Variants in ANO3 observed in about 807,000 individuals in gnomAD.
The protein encoded by ANO3 is anoctamin 3, also known as anoctamin-3.
ANO3 carries 99 observed loss-of-function variants against 144.8 expected under a neutral mutation model. That is an observed-to-expected ratio of 0.68 (90% CI 0.58 to 0.81). ANO3 has a LOEUF of 0.81. Ranked by LOEUF, ANO3 falls within the 30% of genes least tolerant of loss-of-function variation. The pLI, the probability that ANO3 is intolerant of heterozygous loss-of-function variation, is 0.00. For synonymous variants in ANO3, 414 were observed against 392.6 expected (o/e 1.05, Z -0.64); for missense variants, 905 against 1,202.2 (o/e 0.75, Z 3.66).
intron 1 of ANO3, among the ~76,000 whole-genome samples, chr11:26,299,058 G>A (rs530977009): frequency 6.6e-6 from 1 of 152,308 alleles, no homozygotes; most frequent in African/African-American, 2.4e-5. Context: ...TACAGAAGAT[G>A]TATAAAACCA....
intron 1 of ANO3, among the ~76,000 whole-genome samples, chr11:26,256,515 C>A (rs1268783839): frequency 1.3e-5 from 2 of 152,006 alleles, no homozygotes; most frequent in Admixed American, 6.6e-5. Flanking sequence ...TTCCCACTTA[C>A]TAACTATATA....
chr11:26,346,710 C>A (rs1263767420), intron 1 of ANO3, among the ~76,000 whole-genome samples: 1 of 152,150 alleles, frequency 6.6e-6, no homozygotes, highest in Non-Finnish European at 1.5e-5. Context: ...CCAGGTACTG[C>A]ACTAAATGGA....
chr11:26,632,060 C>T (rs976317600), intron 18 of ANO3, among the ~76,000 whole-genome samples: 16 of 151,754 alleles, frequency 1.1e-4, no homozygotes, highest in East Asian at 1.9e-4. Flanking sequence ...AGCATGGTGT[C>T]GGGCGCCTGT....
At chr11:26,401,574 G>A (rs1184445561) in intron 1 of ANO3, among the ~76,000 whole-genome samples, 1 of 151,910 alleles carries the variant, frequency 6.6e-6, no homozygotes, top group African/African-American at 2.4e-5. Flanking sequence ...TGGCTGCCTT[G>A]CAATGAAAAC....
rs1858536717 is a variant in ANO3 at position 26,441,969 on chromosome 11, C to G, written c.98C>G (p.Ser33Cys). ...EITKETSLKP[S>C]RRSLPCLAQS... is the part of the protein sequence containing the mutation. Reference sequence around the variant, plus strand: ...ACAAAAGAAACTTCGTTAAAACCGTCTCGGAGATCCCTGCCTTGCCTCGCC... The same window carrying G: ...ACAAAAGAAACTTCGTTAAAACCGTGTCGGAGATCCCTGCCTTGCCTCGCC... Residue 33 changes from serine (S) to cysteine (C), a missense_variant, in exon 2 of 27, where the codon TCT becomes TGT. Physicochemically the swap from Ser to Cys is moderately radical, Grantham distance 112. Around this residue, in one of 4 missense-constraint regions of ANO3, gnomAD observed 174 missense variants for 171.9 expected, o/e 1.01. Transcript: ENST00000256737. The G allele has an allele frequency of 1.2e-6, 2 of 1,614,010 alleles. No homozygotes were observed. The highest frequency in any genetic ancestry group is 8.5e-7 in the Non-Finnish European group (1 of 1,180,028).
At chr11:26,369,905 C>T (rs1412912346) in intron 1 of ANO3, among the ~76,000 whole-genome samples, 1 of 152,060 alleles carries the variant, frequency 6.6e-6, no homozygotes, top group Admixed American at 6.5e-5. Flanking sequence ...TTTCCTGAAC[C>T]CTGCTGAGTA....
At chr11:26,585,690 G>A (rs1389167704) in intron 14 of ANO3, among the ~76,000 whole-genome samples, 3 of 152,214 alleles carry the variant, frequency 2.0e-5, no homozygotes, top group Middle Eastern at 3.4e-3. Flanking sequence ...TCTATCCAGG[G>A]AAGCATTGTA....
intron 3 of ANO3, among the ~76,000 whole-genome samples, chr11:26,461,177 A>C (rs986949832): frequency 6.6e-6 from 1 of 152,132 alleles, no homozygotes; most frequent in Admixed American, 6.6e-5. Context: ...AGGATTGGCA[A>C]GGAAATAAAA....
chr11:26,215,832 G>A (rs775710552), intron 1 of ANO3, among the ~76,000 whole-genome samples: 5 of 151,880 alleles, frequency 3.3e-5, no homozygotes, highest in Middle Eastern at 3.4e-3. Flanking sequence ...GCCTCCTCCC[G>A]TTTTTCTGTA....
At chr11:26,367,134 G>C (rs1485178072) in intron 1 of ANO3, among the ~76,000 whole-genome samples, 1 of 152,118 alleles carries the variant, frequency 6.6e-6, no homozygotes, top group African/African-American at 2.4e-5. Flanking sequence ...TTAAATGTTA[G>C]ACCTAAAACC....
chr11:26,544,251 C>CACATATATATATATATAT (rs1183023481), intron 11 of ANO3, among the ~76,000 whole-genome samples: 1,354 of 38,178 alleles, frequency 0.035, 105 homozygotes, highest in Middle Eastern at 0.075. Context: ...TTTCATTATA[C>CACATATATATATATATAT]ATATATATAT....
chr11:26,250,422 T>C (rs1380597191), intron 1 of ANO3, among the ~76,000 whole-genome samples: 1 of 152,206 alleles, frequency 6.6e-6, no homozygotes, highest in Non-Finnish European at 1.5e-5. Context: ...TCCATATCTA[T>C]TTATTTCCAA....
At chr11:26,430,203 A>G (rs1421139510) in intron 1 of ANO3, among the ~76,000 whole-genome samples, 3 of 151,532 alleles carry the variant, frequency 2.0e-5, no homozygotes, top group Non-Finnish European at 4.4e-5. Flanking sequence ...AGAGTTTGCA[A>G]TGAACCGAGA....
intron 1 of ANO3, among the ~76,000 whole-genome samples, chr11:26,354,730 CA>C (rs954063901): frequency 3.9e-5 from 6 of 152,106 alleles, no homozygotes; most frequent in African/African-American, 1.4e-4. Flanking sequence ...ATTACCTCCA[CA>C]ATTCCTCTTT....
At chr11:26,315,408 C>A (rs1421849083) in intron 1 of ANO3, among the ~76,000 whole-genome samples, 1 of 152,140 alleles carries the variant, frequency 6.6e-6, no homozygotes, top group Non-Finnish European at 1.5e-5. Context: ...CTTAGAATAT[C>A]TAATGCTTTC....
intron 3 of ANO3, among the ~76,000 whole-genome samples, chr11:26,448,005 T>A (rs1858765104): frequency 1.3e-5 from 2 of 152,058 alleles, no homozygotes; most frequent in Admixed American, 1.3e-4. Flanking sequence ...AACTTAGAAA[T>A]GAAATATTTT....
chr11:26,604,598 G>T (rs751256016), intron 17 of ANO3, among the ~76,000 whole-genome samples: 14 of 152,014 alleles, frequency 9.2e-5, no homozygotes, highest in Non-Finnish European at 1.3e-4. Flanking sequence ...TAGAGCAGTG[G>T]TTTATAGTTC....
In ANO3 at chr11:26,247,934, T is replaced by G. The variant is rs374142316; in HGVS notation, c.154+58604T>G. Among the ~76,000 whole-genome samples, 6 of 149,564 alleles carry G rather than the reference T, an allele frequency of 4.0e-5. No individual in the cohort carries two copies. The East Asian group carries it at 8.7e-4, about 22-fold the overall frequency. On this transcript the variant is annotated intron_variant, in intron 1 of 27. Coordinates refer to the ANO3 transcript ENST00000672621. ...TTTAGTAGAGACGGGGGTTTCACCATGTTGGACAGGCTGGTCTCAAGCTCT... is the reference window on the plus strand; with the variant it reads ...TTTAGTAGAGACGGGGGTTTCACCAGGTTGGACAGGCTGGTCTCAAGCTCT...
At chr11:26,553,218 T>TC in intron 12 of ANO3, 31 bp from the exon 13 acceptor site, 1 of 1,244,506 alleles carries the variant, frequency 8.0e-7, no homozygotes, top group Non-Finnish European at 1.1e-6. Flanking sequence ...TGCTATGTTT[T>TC]GTTTTGTTTT....
Sources: allele counts gnomAD v4.1 joint callset (sites outside exome capture counted in the v4.1 genomes callset), GRCh38; gene constraint gnomAD v4.1.1; regional missense constraint gnomAD v4.1.1; transcripts MANE v1.5; gene names NCBI Gene and HGNC (gene_info 2026-07-23, HGNC 2026-07-21).